ACOXL: variants seen among roughly 807,000 people sequenced by gnomAD.
ACOXL encodes the protein acyl-coenzyme A oxidase-like protein.
ACOXL carries 70 observed loss-of-function variants against 71.9 expected under a neutral mutation model. That is an observed-to-expected ratio of 0.97 (90% confidence interval 0.80 to 1.19). The LOEUF is 1.19. Ranked by LOEUF, ACOXL falls within the 50% of genes most tolerant of loss-of-function variation. ACOXL has a pLI of 0.00. For missense variants in ACOXL, 703 were observed against 736.3 expected (o/e 0.95, Z 0.52); for synonymous variants, 253 against 281.6 (o/e 0.90, Z 1.02).
intron 2 of ACOXL, among the ~76,000 whole-genome samples, chr2:110,780,763 G>A (rs1389185759): frequency 2.0e-5 from 3 of 152,146 alleles, no homozygotes; most frequent in African/African-American, 7.2e-5. Context: ...GGGGACGATC[G>A]TGGCTCATGC....
intron 12 of ACOXL, among the ~76,000 whole-genome samples, chr2:110,972,653 A>G (rs1574338686): frequency 5.0e-5 from 2 of 39,806 alleles, no homozygotes; most frequent in Non-Finnish European, 1.1e-4. Context: ...ACACGTGCAC[A>G]CACACACACA....
chr2:110,854,039 G>A (rs1692944594), intron 10 of ACOXL, among the ~76,000 whole-genome samples: 1 of 152,022 alleles, frequency 6.6e-6, no homozygotes, highest in South Asian at 2.1e-4. Context: ...GGTGACCCTG[G>A]TGGGAGTACT....
intron 12 of ACOXL, among the ~76,000 whole-genome samples, chr2:110,944,169 G>GGCCTCA (rs1325051379): frequency 6.6e-6 from 1 of 151,782 alleles, no homozygotes; most frequent in Non-Finnish European, 1.5e-5. Flanking sequence ...GCGATTCTCC[G>GGCCTCA]GCCTCAGCCT....
intron 14 of ACOXL, among the ~76,000 whole-genome samples, chr2:111,026,677 C>G (rs541180105): frequency 2.6e-5 from 4 of 152,158 alleles, no homozygotes; most frequent in Admixed American, 2.6e-4. Context: ...TTGTGCCTTT[C>G]TTTAACTCAG....
intron 11 of ACOXL, among the ~76,000 whole-genome samples, chr2:110,914,243 C>T (rs2059756288): frequency 6.6e-6 from 1 of 151,970 alleles, no homozygotes; most frequent in Non-Finnish European, 1.5e-5. Context: ...TTTTTCCCCT[C>T]GAAATTGTCT....
intron 10 of ACOXL, among the ~76,000 whole-genome samples, chr2:110,849,649 T>G (rs936379068): frequency 6.6e-6 from 1 of 152,066 alleles, no homozygotes; most frequent in African/African-American, 2.4e-5. Context: ...TCCCAGCTAC[T>G]CAAGAGGCTG....
At chr2:111,091,624 C>A (rs774910501) in intron 16 of ACOXL, among the ~76,000 whole-genome samples, 1 of 152,130 alleles carries the variant, frequency 6.6e-6, no homozygotes, top group African/African-American at 2.4e-5. Context: ...CTCAGTTGCT[C>A]ACACTATCTG....
intron 17 of ACOXL, among the ~76,000 whole-genome samples, chr2:111,104,774 C>T (rs2069418405): frequency 2.0e-5 from 3 of 151,938 alleles, no homozygotes; most frequent in Admixed American, 1.3e-4. Context: ...TATAGCTTGC[C>T]TTCTTACTCT....
intron 9 of ACOXL, among the ~76,000 whole-genome samples, chr2:110,840,679 C>T (rs1691058022): frequency 6.6e-6 from 1 of 152,222 alleles, no homozygotes; most frequent in Non-Finnish European, 1.5e-5. Flanking sequence ...ATTTCCTCAT[C>T]ATCCCTGCAG....
intron 12 of ACOXL, among the ~76,000 whole-genome samples, chr2:110,961,988 G>C (rs986197384): frequency 6.6e-6 from 1 of 152,210 alleles, no homozygotes; most frequent in African/African-American, 2.4e-5. Flanking sequence ...TGAGATTTGG[G>C]TGGGGACACA....
intron 8 of ACOXL, 73 bp downstream of exon 8, chr2:110,801,797 T>TGGGTCTC: frequency 7.8e-7 from 1 of 1,284,096 alleles, no homozygotes; most frequent in Non-Finnish European, 1.1e-6. Flanking sequence ...GCTTGGGTCT[T>TGGGTCTC]GGGTCTCATG....
At chr2:110,776,964 A>G (rs529021916) in intron 2 of ACOXL, among the ~76,000 whole-genome samples, 4 of 152,012 alleles carry the variant, frequency 2.6e-5, no homozygotes, top group African/African-American at 7.2e-5. Flanking sequence ...ATTCTACTGA[A>G]GGTCAAGCAG....
intron 1 of ACOXL, among the ~76,000 whole-genome samples, chr2:110,752,939 G>A (rs55682108): frequency 0.025 from 3,834 of 152,196 alleles, 74 homozygotes; most frequent in East Asian, 0.055. Context: ...GGCTGGAAGA[G>A]CCACTTCTAC....
chr2:110,952,725 G>C (rs1341494691), intron 12 of ACOXL, among the ~76,000 whole-genome samples: 1 of 152,166 alleles, frequency 6.6e-6, no homozygotes, highest in Non-Finnish European at 1.5e-5. Flanking sequence ...TGGGATTACA[G>C]GAGTGAGCCA....
At chr2:110,771,084 C>T (rs1048250689) in intron 2 of ACOXL, among the ~76,000 whole-genome samples, 2 of 152,182 alleles carry the variant, frequency 1.3e-5, no homozygotes, top group African/African-American at 4.8e-5. Flanking sequence ...TAGACCATCC[C>T]TCCAGTCATT....
intron 9 of ACOXL, among the ~76,000 whole-genome samples, chr2:110,831,736 G>C (rs1689853186): frequency 6.6e-6 from 1 of 152,198 alleles, no homozygotes; most frequent in Non-Finnish European, 1.5e-5. Flanking sequence ...TCTACAAGTA[G>C]ATCAATGGAG....
intron 15 of ACOXL, among the ~76,000 whole-genome samples, chr2:111,042,855 C>A (rs539199585): frequency 6.6e-6 from 1 of 152,036 alleles, no homozygotes; most frequent in Non-Finnish European, 1.5e-5. Flanking sequence ...AGGATGGAGA[C>A]CAAAACAAGT....
chr2:110,755,854 C>G (rs1244409067), intron 1 of ACOXL, among the ~76,000 whole-genome samples: 1 of 152,040 alleles, frequency 6.6e-6, no homozygotes, highest in Non-Finnish European at 1.5e-5. Context: ...ACCTCCACCC[C>G]ACATACCCAA....
chr2:110,915,947 T>G (rs2059844057), intron 11 of ACOXL, among the ~76,000 whole-genome samples: 1 of 152,174 alleles, frequency 6.6e-6, no homozygotes, highest in African/African-American at 2.4e-5. Flanking sequence ...TCTTATTTCT[T>G]CCTTAAATGC....
Sources: allele counts gnomAD v4.1 joint callset (sites outside exome capture counted in the v4.1 genomes callset), GRCh38; gene constraint gnomAD v4.1.1; transcripts MANE v1.5; gene names NCBI Gene and HGNC (gene_info 2026-07-23, HGNC 2026-07-21).